The following PTCSC3 variants were observed in gnomAD, a reference collection of about 807,000 sequenced individuals.
PTCSC3 encodes the protein papillary thyroid carcinoma susceptibility candidate 3 (non-protein coding).
intron 1 of PTCSC3, among the ~76,000 whole-genome samples, chr14:36,173,431 T>A (rs1199348016): frequency 1.3e-5 from 2 of 152,118 alleles, no homozygotes; most frequent in Non-Finnish European, 2.9e-5. Context: ...TCTGAGCTGT[T>A]CACATTCAAT....
At chr14:36,146,896 G>A (rs1296664076) in intron 3 of PTCSC3, among the ~76,000 whole-genome samples, 4 of 152,118 alleles carry the variant, frequency 2.6e-5, no homozygotes, top group Admixed American at 6.5e-5. Context: ...TGTCTGTAAA[G>A]TATTTTATTT....
At chr14:36,147,709 CT>C (rs1190968483) in intron 3 of PTCSC3, among the ~76,000 whole-genome samples, 1 of 152,092 alleles carries the variant, frequency 6.6e-6, no homozygotes, top group Non-Finnish European at 1.5e-5. Flanking sequence ...TGGTGAGGAA[CT>C]GCGTTCCTTT....
chr14:36,157,410 C>A (rs1881853643), intron 2 of PTCSC3, among the ~76,000 whole-genome samples: 1 of 152,102 alleles, frequency 6.6e-6, no homozygotes, highest in Non-Finnish European at 1.5e-5. Context: ...TTAATTAGAT[C>A]CCATTTGTCA....
intron 1 of PTCSC3, among the ~76,000 whole-genome samples, chr14:36,173,647 G>T (rs1882228735): frequency 6.6e-6 from 1 of 152,024 alleles, no homozygotes; most frequent in Admixed American, 6.6e-5. Flanking sequence ...GAAGACGTTT[G>T]TCTAAAACTG....
At chr14:36,145,098 C>G (rs1194993398) in intron 3 of PTCSC3, among the ~76,000 whole-genome samples, 7 of 125,242 alleles carry the variant, frequency 5.6e-5, no homozygotes, top group African/African-American at 1.2e-4. Context: ...CAATGTTCAT[C>G]AAGGATATTG....
At chr14:36,167,492 G>A (rs962002381) in intron 1 of PTCSC3, among the ~76,000 whole-genome samples, 25 of 152,132 alleles carry the variant, frequency 1.6e-4, no homozygotes, top group African/African-American at 5.6e-4. Flanking sequence ...GCTCTGAGTA[G>A]GTTGGCTTCG....
intron 3 of PTCSC3, among the ~76,000 whole-genome samples, chr14:36,144,219 GA>G (rs1881499483): frequency 1.3e-5 from 2 of 149,778 alleles, no homozygotes; most frequent in Admixed American, 1.3e-4. Context: ...GCTTGATGGG[GA>G]TGGCGTTGAA....
chr14:36,154,366 C>A (rs537754791), intron 2 of PTCSC3, among the ~76,000 whole-genome samples: 1 of 151,990 alleles, frequency 6.6e-6, no homozygotes, highest in African/African-American at 2.4e-5. Context: ...TATAATAATA[C>A]GTACCCTCCA....
chr14:36,144,308 A>G (rs1881502618), intron 3 of PTCSC3, among the ~76,000 whole-genome samples: 1 of 147,010 alleles, frequency 6.8e-6, no homozygotes, highest in African/African-American at 2.5e-5. Flanking sequence ...ATGTTCTTCC[A>G]TTTGTTTGTA....
intron 3 of PTCSC3, among the ~76,000 whole-genome samples, chr14:36,148,234 G>A (rs1881633634): frequency 6.6e-6 from 1 of 152,128 alleles, no homozygotes; most frequent in Non-Finnish European, 1.5e-5. Context: ...AAGCAAGCCT[G>A]GGCAATGGCG....
Position 36,170,740 on chromosome 14 carries a change from A to G in PTCSC3, n.171+5558T>C, listed in dbSNP as rs573235619. The stretch of plus-strand genomic sequence containing the variant: ...CAAGTTGCCCTTTCCCAGGTTGCCA[A>G]TGTCTAGTGTGGTCTAGGAAATAAA... On this transcript the variant is annotated intron_variant and non_coding_transcript_variant, in intron 1 of 3. Transcript: ENST00000556013. Among the ~76,000 whole-genome samples the G allele has an allele frequency of 2.6e-5, 4 of 152,220 alleles. No homozygotes were observed. The South Asian group carries it at 8.3e-4, about 32-fold the overall frequency.
intron 2 of PTCSC3, among the ~76,000 whole-genome samples, chr14:36,159,430 G>C (rs1175144773): frequency 6.6e-6 from 1 of 152,168 alleles, no homozygotes. Context: ...GTGTCCCAGA[G>C]ATTCTGGTAC....
intron 2 of PTCSC3, among the ~76,000 whole-genome samples, chr14:36,158,306 G>A (rs1464041745): frequency 1.3e-5 from 2 of 152,200 alleles, no homozygotes; most frequent in Non-Finnish European, 2.9e-5. Context: ...TAGGAGTGGG[G>A]AGAGAGGGCA....
intron 1 of PTCSC3, among the ~76,000 whole-genome samples, chr14:36,171,127 C>T (rs1791894281): frequency 6.6e-6 from 1 of 152,038 alleles, no homozygotes; most frequent in South Asian, 2.1e-4. Flanking sequence ...AAACAATAGC[C>T]TGATAAATGA....
At chr14:36,142,711 G>A (rs1881453023) in intron 3 of PTCSC3, among the ~76,000 whole-genome samples, 1 of 151,102 alleles carries the variant, frequency 6.6e-6, no homozygotes, top group South Asian at 2.1e-4. Flanking sequence ...CATTGTGCAG[G>A]TTAGTTACAT....
rs147400390 is a variant in PTCSC3 at position 36,168,360 on chromosome 14, AATATATATATATATAT to A, written n.172-5693_172-5678del. Among the ~76,000 whole-genome samples the A allele has an allele frequency of 2.5e-3, 283 of 113,888 alleles. 4 individuals carry two copies. Among genetic ancestry groups the A allele is most frequent in the South Asian group, 0.016 (60 of 3,696 alleles). The allele number at this position is 113,888 out of a possible 152,430, so 74.7% of individuals were successfully genotyped here. On this transcript the variant is annotated intron_variant and non_coding_transcript_variant, in intron 1 of 3. Coordinates refer to ENST00000556013, the Ensembl canonical transcript of PTCSC3. ...TTGGGAGTTTAAACTATTGATTCTGAATATATATATATATATATATATATATATATATATATATTCT... is the reference window on the plus strand; with the variant it reads ...TTGGGAGTTTAAACTATTGATTCTGAATATATATATATATATATATATTCT...
At chr14:36,135,985 A>G (rs911105008), downstream of PTCSC3, 1 of 152,410 alleles carries the variant, frequency 6.6e-6, no homozygotes, top group Non-Finnish European at 1.5e-5. Context: ...AGGTCCCACA[A>G]TAGGCTGTCT....
At chr14:36,162,285 A>AAAAAAAC (rs1566509723) in intron 2 of PTCSC3, among the ~76,000 whole-genome samples, 2 of 139,166 alleles carry the variant, frequency 1.4e-5, no homozygotes, top group Admixed American at 7.2e-5. Flanking sequence ...AAAAAAAAAA[A>AAAAAAAC]CTCCTGCAGC....
At chr14:36,156,971 T>A (rs1460098595) in intron 2 of PTCSC3, among the ~76,000 whole-genome samples, 3 of 152,296 alleles carry the variant, frequency 2.0e-5, no homozygotes, top group Middle Eastern at 3.4e-3. Context: ...TGGTTCTAGC[T>A]CCTTGAGGAA....
Sources: gnomAD v4.1 joint callset for allele counts (sites outside exome capture counted in the v4.1 genomes callset) on GRCh38, gnomAD v4.1.1 for gene constraint, MANE v1.5 for transcripts, NCBI Gene and HGNC (gene_info 2026-07-23, HGNC 2026-07-21) for gene names.